Variants in BABAM1 observed in about 807,000 individuals in gnomAD.
The protein encoded by BABAM1 is BRISC and BRCA1-A complex member 1.
In BABAM1, 14 loss-of-function variants were observed where a neutral mutation model predicts 34.4. The observed-to-expected ratio is 0.41, with a 90% CI of 0.27 to 0.64. BABAM1 has a LOEUF of 0.64. Among genes scored for constraint, BABAM1 ranks in the 30% least tolerant of loss-of-function variants. BABAM1 has a pLI of 0.34. For synonymous variants in BABAM1, 169 were observed against 165.8 expected (o/e 1.02, Z -0.15); for missense variants, 393 against 434.0 (o/e 0.91, Z 0.84).
At position 17,273,917 on chromosome 19, in the gene BABAM1, G is replaced by A. The variant is rs368554117; in HGVS notation, c.358G>A (p.Ala120Thr). ...CTGCCTCCCCAGCTCCAAAACCAAC[G>A]CCCTCAATGTCTCCCAGAAGATGAT... is the stretch of plus-strand genomic sequence containing the variant. ...LESFNGSKTN[A>T]LNVSQKMIEM... Residue 120 changes from alanine (A) to threonine (T), a missense_variant, in exon 4 of 9, where the codon GCC becomes ACC. Ala to Thr is a moderately conservative substitution (Grantham distance 58). Transcript: ENST00000598188. 2.2e-5 allele frequency: 35 copies of A among 1,611,800 alleles called. No homozygotes were observed. The highest frequency in any genetic ancestry group is 2.3e-5 in the Non-Finnish European group (27 of 1,179,166).
At chr19:17,274,746 A>G (rs964232947) in intron 5 of BABAM1, among the ~76,000 whole-genome samples, 65 of 152,256 alleles carry the variant, frequency 4.3e-4, no homozygotes, top group African/African-American at 1.5e-3. Flanking sequence ...AGGACATTTT[A>G]TGGTAATTTG....
intron 5 of BABAM1, 73 bp from the exon 6 acceptor site, chr19:17,275,728 A>G: frequency 1.3e-6 from 2 of 1,596,684 alleles, no homozygotes; most frequent in Non-Finnish European, 1.7e-6. Context: ...CTCCTCTGGT[A>G]TCGGGATCGG....
chr19:17,270,626 A>C (rs1048803726), intron 2 of BABAM1, among the ~76,000 whole-genome samples: 6 of 149,110 alleles, frequency 4.0e-5, no homozygotes, highest in Admixed American at 6.7e-5. Flanking sequence ...CCCTGGTTCA[A>C]ATGATTCTCC....
At chr19:17,273,332 A>G (rs1218581213) in intron 3 of BABAM1, among the ~76,000 whole-genome samples, 2 of 152,076 alleles carry the variant, frequency 1.3e-5, no homozygotes, top group South Asian at 4.1e-4. Flanking sequence ...CCTCAGTGGC[A>G]TTCACAACTG....
At position 17,279,153 on chromosome 19, in the gene BABAM1, G is replaced by A; in HGVS notation, c.*105G>A. The A allele has an allele frequency of 1.6e-6, 2 of 1,231,174 alleles. No homozygotes were observed. Among genetic ancestry groups the A allele is most frequent in the Admixed American group, 4.4e-5 (2 of 45,602 alleles). The allele number at this position is 1,231,174 out of a possible 1,614,324, so 76.3% of individuals were successfully genotyped here. A position where few individuals can be genotyped will look rare whatever the true frequency, so the allele number is the denominator to read the frequency against. On this transcript the variant is annotated 3_prime_UTR_variant, in exon 9 of 9. Coordinates refer to ENST00000598188, the MANE Select transcript of BABAM1 (RefSeq NM_014173.4). ...GACCTCCGGGGTGGGGGGGTTCCAG[G>A]AGGCACGTAGGGTACCTTGCAGGGT... is the stretch of plus-strand genomic sequence containing the variant.
At chr19:17,274,478 G>A (rs143356368) in intron 5 of BABAM1, 10 of 394,930 alleles carry the variant, frequency 2.5e-5, no homozygotes, top group African/African-American at 1.8e-4. Flanking sequence ...TGAGGCACAA[G>A]AATCACTTGA....
At chr19:17,268,649 G>A (rs2004800) in intron 1 of BABAM1, 145 bp from the exon 2 acceptor site, 103,095 of 871,490 alleles carry the variant, frequency 0.12, 9,325 homozygotes, top group East Asian at 0.49. Context: ...GGCTGGTCTC[G>A]AACTTCCAAC....
chr19:17,275,679 T>C, intron 5 of BABAM1, 122 bp from the exon 6 acceptor site: 1 of 1,256,986 alleles, frequency 8.0e-7, no homozygotes, highest in Non-Finnish European at 1.2e-6. Flanking sequence ...GCAAGTGACT[T>C]GGCCAGGGTC....
chr19:17,269,050 G>C lies in BABAM1; in HGVS notation c.244G>C (p.Val82Leu). ...GCAGGTGCCCCCGCCAGCCCCTGAG[G>C]TCCAAATTCGGACACCAAGGGTCAA... ...SWQVPPPAPEVQIRTPRVNCP... is the reference protein window; with the variant it reads ...SWQVPPPAPELQIRTPRVNCP... The change falls in exon 2 of 9, where the codon GTC (valine) becomes CTC (leucine). Residue 82 changes from valine to leucine, a missense_variant. Transcript: ENST00000598188. The C allele has an allele frequency of 6.2e-7, 1 of 1,605,262 alleles. No individual in the cohort carries two copies. The highest frequency in any genetic ancestry group is 8.5e-7 in the Non-Finnish European group (1 of 1,176,492).
chr19:17,268,526 T>A, intron 1 of BABAM1: 1 of 252,442 alleles, frequency 4.0e-6, no homozygotes, highest in Non-Finnish European at 7.6e-6. Context: ...CCCTCCCGGG[T>A]TCAAGCGATT....
intron 7 of BABAM1, 70 bp downstream of exon 7, chr19:17,276,694 T>G (rs544049922): frequency 1.3e-6 from 2 of 1,562,652 alleles, no homozygotes; most frequent in Admixed American, 1.9e-5. Flanking sequence ...CAGGAGGGAC[T>G]TCCAACCACA....
chr19:17,268,574 C>A (rs1173252010), intron 1 of BABAM1: 3 of 440,308 alleles, frequency 6.8e-6, no homozygotes, highest in Non-Finnish European at 1.2e-5. Flanking sequence ...GGATTATCCG[C>A]ATGCGCCACC....
intron 2 of BABAM1, among the ~76,000 whole-genome samples, chr19:17,269,868 C>T (rs552385725): frequency 6.6e-5 from 10 of 151,072 alleles, no homozygotes; most frequent in South Asian, 2.1e-4. Context: ...TAGCTACAGG[C>T]GCCCGCCACC....
chr19:17,273,083 C>G (rs1306622051), intron 3 of BABAM1, among the ~76,000 whole-genome samples: 1 of 152,126 alleles, frequency 6.6e-6, no homozygotes, highest in Non-Finnish European at 1.5e-5. Flanking sequence ...GGCTATGGCC[C>G]ATTGAGGCTC....
In BABAM1 at chr19:17,275,793, C is replaced by G. The variant is rs750720832; in HGVS notation, c.545-8C>G. The G allele has an allele frequency of 1.2e-6, 2 of 1,613,836 alleles. No homozygotes were observed. Among genetic ancestry groups the G allele is most frequent in the Non-Finnish European group, 1.7e-6 (2 of 1,179,878 alleles). On this transcript the variant is annotated splice_polypyrimidine_tract_variant and splice_region_variant and intron_variant, in intron 5 of 8. Coordinates refer to ENST00000598188, the MANE Select transcript of BABAM1 (RefSeq NM_014173.4). ...CTCTACTAGCCTTCTCCTTAGCACC[C>G]CCACCAGATCTGGAAGGACTTTTCA...
chr19:17,279,104 T>C lies in BABAM1; in HGVS notation c.*56T>C. The stretch of plus-strand genomic sequence containing the variant: ...CAAGGAAGTCCTTGGCCTAAAGCCT[T>C]GGTTCTCAAACTGGGTTCCTTGGGA... On this transcript the variant is annotated 3_prime_UTR_variant, in exon 9 of 9. Coordinates refer to ENST00000598188, the MANE Select transcript of BABAM1 (RefSeq NM_014173.4). 1 of 1,541,736 alleles carries C rather than the reference T, an allele frequency of 6.5e-7. No individual in the cohort carries two copies. Among genetic ancestry groups the C allele is most frequent in the Non-Finnish European group, 8.8e-7 (1 of 1,137,508 alleles).
Position 17,273,943 on chromosome 19 carries a change from T to C in BABAM1, c.384T>C (p.Ile128=). Residue 128 remains isoleucine (I), a synonymous_variant, in exon 4 of 9, where the codon ATT becomes ATC. Coordinates refer to ENST00000598188, the MANE Select transcript of BABAM1 (RefSeq NM_014173.4). ...TNALNVSQKM[I]EMFVRTKHKI... is the part of the protein sequence containing the mutation. ...CCCTCAATGTCTCCCAGAAGATGAT[T>C]GAGATGTTCGTGCGGACAAAACACA... 6.2e-7 allele frequency: 1 copy of C among 1,613,756 alleles called. No individual in the cohort carries two copies. Among genetic ancestry groups the C allele is most frequent in the Non-Finnish European group, 8.5e-7 (1 of 1,179,844 alleles).
chr19:17,277,321 C>T (rs1407269109), intron 8 of BABAM1: 1 of 166,292 alleles, frequency 6.0e-6, no homozygotes, highest in Non-Finnish European at 1.3e-5. Flanking sequence ...CCTGTGTCAG[C>T]CTCCCGAGTA....
chr19:17,271,553 C>A (rs774744757), intron 2 of BABAM1, 44 bp from the exon 3 acceptor site: 2 of 1,603,822 alleles, frequency 1.2e-6, no homozygotes, highest in East Asian at 2.2e-5. Context: ...TGGGGGCCAA[C>A]GTTAAGGTCA....
Sources: allele counts gnomAD v4.1 joint callset (sites outside exome capture counted in the v4.1 genomes callset), GRCh38; gene constraint gnomAD v4.1.1; transcripts MANE v1.5; gene names NCBI Gene and HGNC (gene_info 2026-07-23, HGNC 2026-07-21).